Variants in RBFOX1 observed in about 807,000 individuals in gnomAD.
RBFOX1 encodes the protein RNA binding protein fox-1 homolog 1.
RBFOX1 carries 8 observed loss-of-function variants against 57.7 expected under a neutral mutation model. That is an observed-to-expected ratio of 0.14 (90% confidence interval 0.08 to 0.25). The LOEUF (loss-of-function observed/expected upper bound fraction) is 0.25. RBFOX1 is among the 10% of genes least tolerant of loss of function. The pLI is 1.00. For missense variants in RBFOX1, 611 were observed against 548.5 expected (o/e 1.11, Z -1.14); for synonymous variants, 326 against 222.4 (o/e 1.47, Z -4.15).
intron 4 of RBFOX1, among the ~76,000 whole-genome samples, chr16:5,869,409 C>T (rs188824953): frequency 3.7e-4 from 57 of 152,200 alleles, no homozygotes; most frequent in Admixed American, 2.1e-3. Flanking sequence ...AAGATTTATA[C>T]GTATATATTT....
chr16:6,312,775 C>T (rs1199696937), intron 1 of RBFOX1, among the ~76,000 whole-genome samples: 2 of 151,496 alleles, frequency 1.3e-5, no homozygotes, highest in Admixed American at 6.6e-5. Flanking sequence ...TCCCTGTTTC[C>T]CTACCTTCCA....
intron 3 of RBFOX1, among the ~76,000 whole-genome samples, chr16:5,728,800 G>T (rs1257496644): frequency 6.6e-6 from 1 of 152,080 alleles, no homozygotes; most frequent in East Asian, 1.9e-4. Flanking sequence ...TGTTCTGCTG[G>T]CCCCTTTCTT....
At chr16:5,325,988 C>A (rs2049697) in intron 1 of RBFOX1, among the ~76,000 whole-genome samples, 146,523 of 152,302 alleles carry the variant, frequency 0.96, 70,731 homozygotes, top group Middle Eastern at 1. Context: ...GGAGTATTTA[C>A]GTGTCTTTAA....
intron 4 of RBFOX1, among the ~76,000 whole-genome samples, chr16:7,317,358 A>G (rs548366020): frequency 6.6e-6 from 1 of 152,146 alleles, no homozygotes; most frequent in Non-Finnish European, 1.5e-5. Context: ...AGTGAGTGAC[A>G]GGCCAGTCTC....
chr16:5,861,163 C>T (rs1365806243), intron 3 of RBFOX1, among the ~76,000 whole-genome samples: 1 of 152,136 alleles, frequency 6.6e-6, no homozygotes, highest in African/African-American at 2.4e-5. Flanking sequence ...TATCATGGAA[C>T]CATGTAGGAG....
At chr16:5,855,701 A>G (rs115310564) in intron 3 of RBFOX1, among the ~76,000 whole-genome samples, 2 of 152,054 alleles carry the variant, frequency 1.3e-5, no homozygotes, top group South Asian at 4.1e-4. Flanking sequence ...TATTATAGCT[A>G]TTAGGGGATT....
rs1011740702 is a variant in RBFOX1 at position 7,420,033 on chromosome 16, T to A, written c.28-98114T>A. 3.3e-5 allele frequency among the ~76,000 whole-genome samples: 5 copies of A among 152,076 alleles called. No individual in the cohort carries two copies. In the East Asian group the frequency reaches 9.7e-4, roughly 29 times the overall value. On this transcript the variant is annotated intron_variant, in intron 4 of 15. Coordinates refer to ENST00000550418, the MANE Select transcript of RBFOX1 (RefSeq NM_018723.4). ...GAATGAAATCATTAGTGATATATGT[T>A]GTCACTGTTTCTTTTCATAGCCTTT... is the stretch of plus-strand genomic sequence containing the variant.
chr16:6,661,973 C>A (rs2154099183), intron 3 of RBFOX1, among the ~76,000 whole-genome samples: 1 of 152,146 alleles, frequency 6.6e-6, no homozygotes, highest in South Asian at 2.1e-4. Context: ...GAAATCCTGC[C>A]ATGTGCAACA....
At chr16:6,525,653 G>A (rs183723698) in intron 2 of RBFOX1, among the ~76,000 whole-genome samples, 29 of 152,164 alleles carry the variant, frequency 1.9e-4, no homozygotes, top group Admixed American at 5.2e-4. Context: ...AGAGAACCCC[G>A]TCTCTACTTC....
intron 1 of RBFOX1, among the ~76,000 whole-genome samples, chr16:6,297,341 C>T (rs28517562): frequency 0.36 from 54,286 of 151,880 alleles, 11,307 homozygotes; most frequent in East Asian, 0.71. Context: ...TGGAGTTGCT[C>T]TGGTTCACAC....
chr16:5,523,382 A>T (rs2044102359), intron 2 of RBFOX1, among the ~76,000 whole-genome samples: 1 of 152,172 alleles, frequency 6.6e-6, no homozygotes. Flanking sequence ...TGGGAGGCTG[A>T]GGCGGTTGGA....
chr16:6,171,865 A>G (rs1218703925), intron 1 of RBFOX1, among the ~76,000 whole-genome samples: 2 of 151,548 alleles, frequency 1.3e-5, no homozygotes, highest in African/African-American at 4.9e-5. Context: ...TCTGTCACCC[A>G]GGTTGGAGTG....
intron 3 of RBFOX1, among the ~76,000 whole-genome samples, chr16:7,007,436 C>G (rs928567121): frequency 6.6e-6 from 1 of 152,162 alleles, no homozygotes; most frequent in African/African-American, 2.4e-5. Flanking sequence ...AGAGTCATCT[C>G]CGTATTTTTA....
intron 2 of RBFOX1, among the ~76,000 whole-genome samples, chr16:6,382,578 G>A (rs762430529): frequency 7.2e-5 from 11 of 152,308 alleles, no homozygotes; most frequent in Admixed American, 3.3e-4. Context: ...ATGCTTTTAA[G>A]ACTGGGTGCA....
intron 3 of RBFOX1, among the ~76,000 whole-genome samples, chr16:6,802,130 A>G (rs945731800): frequency 1.3e-5 from 2 of 151,954 alleles, no homozygotes; most frequent in African/African-American, 4.8e-5. Flanking sequence ...GTATCTTGTC[A>G]GGATTTAAGC....
At chr16:7,656,175 G>A (rs542051068) in intron 12 of RBFOX1, among the ~76,000 whole-genome samples, 6 of 152,314 alleles carry the variant, frequency 3.9e-5, no homozygotes, top group African/African-American at 1.4e-4. Context: ...GCCCCAGCAG[G>A]ACTAAGATTG....
chr16:7,037,522 T>A lies in RBFOX1; in HGVS notation c.-15-14535T>A, dbSNP rs139705731. ...TAAGGAAACAGTGAGGCACGTCCAG[T>A]CCACTGTCAACTTATGAAAAGAAGA... On this transcript the variant is annotated intron_variant, in intron 3 of 15. Coordinates refer to ENST00000550418, the MANE Select transcript of RBFOX1 (RefSeq NM_018723.4). 5.0e-3 allele frequency among the ~76,000 whole-genome samples: 767 copies of A among 152,248 alleles called. 8 individuals are homozygous for A. Among genetic ancestry groups the A allele is most frequent in the African/African-American group, 0.017 (724 of 41,548 alleles).
At chr16:6,580,297 T>G (rs980562118) in intron 2 of RBFOX1, among the ~76,000 whole-genome samples, 1 of 152,178 alleles carries the variant, frequency 6.6e-6, no homozygotes, top group Non-Finnish European at 1.5e-5. Context: ...GTTTGACTTT[T>G]TCCATCACAA....
chr16:6,821,645 G>A (rs78148271), intron 3 of RBFOX1, among the ~76,000 whole-genome samples: 1 of 152,118 alleles, frequency 6.6e-6, no homozygotes, highest in Non-Finnish European at 1.5e-5. Flanking sequence ...ACAACACGTG[G>A]CCTTTTTCAT....
Sources: allele counts gnomAD v4.1 joint callset (sites outside exome capture counted in the v4.1 genomes callset), GRCh38; gene constraint gnomAD v4.1.1; transcripts MANE v1.5; gene names NCBI Gene and HGNC (gene_info 2026-07-23, HGNC 2026-07-21).